PHKG1: variants seen among roughly 807,000 people sequenced by gnomAD.
PHKG1 encodes the protein phosphorylase b kinase gamma catalytic chain, skeletal muscle/heart isoform.
A neutral mutation model predicts 50.5 loss-of-function variants in PHKG1; 48 were observed. That is an observed-to-expected ratio of 0.95 (90% CI 0.75 to 1.21). PHKG1 has a LOEUF of 1.21. Among genes scored for constraint, PHKG1 ranks in the 50% most tolerant of loss-of-function variants. The probability of loss-of-function intolerance (pLI) is 0.00; values close to 1 mark genes in which losing one functional copy is unlikely to be tolerated. For synonymous variants in PHKG1, 204 were observed against 212.8 expected, an observed-to-expected ratio of 0.96 and a Z score of 0.36; for missense variants, 487 against 519.5, an observed-to-expected ratio of 0.94 and a Z score of 0.61.
rs1203135160 is a variant in PHKG1, at chr7:56,080,727, C to A, written c.*327G>T. Reference sequence around the variant, plus strand: ...CCCTAAGGGAAGAAAGCCTGAGTGTCAGTAACTCTGGGCCTCCCCTAAAGA... The same window carrying A: ...CCCTAAGGGAAGAAAGCCTGAGTGTAAGTAACTCTGGGCCTCCCCTAAAGA... On this transcript the variant is annotated 3_prime_UTR_variant, in exon 10 of 10. Coordinates refer to ENST00000297373, the MANE Select transcript of PHKG1 (RefSeq NM_006213.5). The A allele has an allele frequency of 5.5e-6, 2 of 362,490 alleles. No individual in the cohort carries two copies. Among genetic ancestry groups the A allele is most frequent in the Non-Finnish European group, 5.2e-6 (1 of 193,814 alleles). 22.5% of individuals were successfully genotyped at this position (362,490 alleles called of 1,614,324 possible). A position where few individuals can be genotyped will look rare whatever the true frequency, so the allele number is the denominator to read the frequency against.
At chr7:56,085,974 CAAAAAA>C (rs34275240) in intron 4 of PHKG1, among the ~76,000 whole-genome samples, 2 of 133,278 alleles carry the variant, frequency 1.5e-5, no homozygotes, top group African/African-American at 2.9e-5. Flanking sequence ...AACTCTGTCT[CAAAAAA>C]AAAAAAAAAA....
At chr7:56,087,797 TGGCCTC>T (rs759292215) in intron 2 of PHKG1, 21 bp from the exon 3 acceptor site, 1 of 1,596,936 alleles carries the variant, frequency 6.3e-7, no homozygotes, top group South Asian at 1.1e-5. Flanking sequence ...AGAGGACAGA[TGGCCTC>T]GGGGGGCCCC....
At position 56,082,263 on chromosome 7, in the gene PHKG1, C is replaced by T. The variant is rs748460463; in HGVS notation, c.548-10G>A. 6.6e-5 allele frequency: 106 copies of T among 1,606,662 alleles called. No homozygotes were observed. Among genetic ancestry groups the T allele is most frequent in the Non-Finnish European group, 8.3e-5 (97 of 1,174,994 alleles). ...GGGGTCCCGCAGACCTCTGCAGGAA[C>T]AGTCATCATCAGGGCAGGTCAGCAG... On this transcript the variant is annotated splice_polypyrimidine_tract_variant and intron_variant, in intron 6 of 9. Transcript: ENST00000297373.
chr7:56,081,227 C>G lies in PHKG1; in HGVS notation c.991G>C (p.Glu331Gln). ...QYRRVKPVTREIVIRDPYALR... is the reference protein window; with the variant it reads ...QYRRVKPVTRQIVIRDPYALR... Reference sequence around the variant, plus strand: ...GCATAGGGGTCTCGGATGACGATCTCCCGGGTCACAGGCTTCACCCGGCGG... The same window carrying G: ...GCATAGGGGTCTCGGATGACGATCTGCCGGGTCACAGGCTTCACCCGGCGG... The change falls in exon 10 of 10, where the codon GAG (glutamate) becomes CAG (glutamine). Residue 331 changes from glutamate (E) to glutamine (Q), a missense_variant. Glu to Gln is a conservative substitution (Grantham distance 29). Transcript: ENST00000297373. This position sits in a 1 kb window ranked among gnomAD's most constrained non-coding sequence, Gnocchi z 4.6. 11 of 1,613,732 alleles carry G rather than the reference C, an allele frequency of 6.8e-6. No individual in the cohort carries two copies. The highest frequency in any genetic ancestry group is 9.3e-6 in the Non-Finnish European group (11 of 1,179,954).
rs1562874623 is a variant in PHKG1, at chr7:56,080,666, T to A, written c.*388A>T. ...CAATAAAATCTCCTGCAATTGTGTA[T>A]CTCAGACATTTGTGTCTTTGATCCT... is the stretch of plus-strand genomic sequence containing the variant. On this transcript the variant is annotated 3_prime_UTR_variant, in exon 10 of 10. Coordinates refer to ENST00000297373, the MANE Select transcript of PHKG1 (RefSeq NM_006213.5). The A allele has an allele frequency of 1.2e-5, 3 of 247,626 alleles. No homozygotes were observed. The highest frequency in any genetic ancestry group is 2.4e-5 in the Non-Finnish European group (3 of 126,120). The allele number at this position is 247,626 out of a possible 1,614,324, so 15.3% of individuals were successfully genotyped here.
chr7:56,083,175 A>C, intron 6 of PHKG1, 103 bp downstream of exon 6: 2 of 1,004,152 alleles, frequency 2.0e-6, no homozygotes, highest in Non-Finnish European at 2.9e-6. Context: ...TTTTTATTCC[A>C]GGGAACAATT....
Position 56,080,771 on chromosome 7 carries a change from C to T in PHKG1, c.*283G>A, listed in dbSNP as rs568859076. 8.3e-6 allele frequency: 4 copies of T among 480,472 alleles called. No individual in the cohort carries two copies. The East Asian group carries it at 1.5e-4, about 19-fold the overall frequency. The allele number at this position is 480,472 out of a possible 1,614,324, so 29.8% of individuals were successfully genotyped here. A position where few individuals can be genotyped will look rare whatever the true frequency, so the allele number is the denominator to read the frequency against. Reference sequence around the variant, plus strand: ...CTAAAGAGAAATGGAGATGGTGGCTCATCTAGGAAGTAGAGGAGCAGGGGG... The same window carrying T: ...CTAAAGAGAAATGGAGATGGTGGCTTATCTAGGAAGTAGAGGAGCAGGGGG... On this transcript the variant is annotated 3_prime_UTR_variant, in exon 10 of 10. Transcript: ENST00000297373.
chr7:56,082,339 T>C, intron 6 of PHKG1, 86 bp from the exon 7 acceptor site: 1 of 1,053,870 alleles, frequency 9.5e-7, no homozygotes, highest in East Asian at 2.4e-5. Context: ...ATTTCTATAA[T>C]CCTAGCACTT....
chr7:56,089,721 G>A (rs569815176), intron 1 of PHKG1, among the ~76,000 whole-genome samples: 141 of 152,070 alleles, frequency 9.3e-4, no homozygotes, highest in African/African-American at 2.9e-3. Flanking sequence ...ACAGGGTTTC[G>A]CCATGTTGGC....
Position 56,081,073 on chromosome 7 carries a change from A to T in PHKG1, c.1145T>A (p.Leu382Gln). The T allele has an allele frequency of 1.2e-6, 2 of 1,602,482 alleles. No homozygotes were observed. The highest frequency in any genetic ancestry group is 1.7e-6 in the Non-Finnish European group (2 of 1,174,704). ...ENTPKAVLLS[L>Q]AEEDY The stretch of plus-strand genomic sequence containing the variant: ...AGCCCCTCAGTAGTCCTCCTCGGCC[A>T]GGGAGAGGAGCACGGCCTTGGGTGT... Residue 382 changes from leucine to glutamine, a missense_variant, in exon 10 of 10, where the codon CTG becomes CAG. Coordinates refer to ENST00000297373, the MANE Select transcript of PHKG1 (RefSeq NM_006213.5). The surrounding 1 kb of genome is among the most constrained non-coding windows in gnomAD (Gnocchi z 4.6).
intron 1 of PHKG1, among the ~76,000 whole-genome samples, 152 bp from the exon 2 acceptor site, chr7:56,089,127 G>A (rs897889023): frequency 2.0e-5 from 3 of 152,072 alleles, no homozygotes; most frequent in Non-Finnish European, 4.4e-5. Flanking sequence ...AATTGAGGCC[G>A]TTCGTGGTGG....
At chr7:56,091,858 CAG>C (rs1674688791) in intron 1 of PHKG1, among the ~76,000 whole-genome samples, 1 of 152,280 alleles carries the variant, frequency 6.6e-6, no homozygotes, top group Non-Finnish European at 1.5e-5. Context: ...TGCTCACACA[CAG>C]GCCTTCTCTG....
rs755657137 is a variant in PHKG1, at chr7:56,087,648, G to T, written c.212C>A (p.Thr71Lys). 1 of 1,613,964 alleles carries T rather than the reference G, an allele frequency of 6.2e-7. No homozygotes were observed. Among genetic ancestry groups the T allele is most frequent in the South Asian group, 1.1e-5 (1 of 91,084 alleles). The change falls in exon 3 of 10, where the codon ACG becomes AAG. Residue 71 changes from threonine (T) to lysine (K), a missense_variant. Coordinates refer to ENST00000297373, the MANE Select transcript of PHKG1 (RefSeq NM_006213.5). ...GCGCAGGATGTCCACCTCCTTCAGC[G>T]TGGCTTCTCGCAGCTCCCGCACCTC... ...PEEVRELREA[T>K]LKEVDILRKV... is the part of the protein sequence containing the mutation.
intron 5 of PHKG1, 74 bp downstream of exon 5, chr7:56,083,576 T>C: frequency 1.3e-6 from 2 of 1,494,616 alleles, no homozygotes; most frequent in Admixed American, 1.8e-5. Flanking sequence ...ACGCCCTGCC[T>C]CCCCTGAGAC....
rs1795936776 is a variant in PHKG1 at position 56,080,843 on chromosome 7, C to A, written c.*211G>T. The stretch of plus-strand genomic sequence containing the variant: ...GTGATCTCTGCCCACCCAGGGCCTG[C>A]CCCAGCCTGCAGGTATTGCTGTGTG... On this transcript the variant is annotated 3_prime_UTR_variant, in exon 10 of 10. Coordinates refer to ENST00000297373, the MANE Select transcript of PHKG1 (RefSeq NM_006213.5). The A allele has an allele frequency of 3.3e-6, 2 of 611,462 alleles. No homozygotes were observed. The highest frequency in any genetic ancestry group is 5.7e-6 in the Non-Finnish European group (2 of 352,534). 37.9% of individuals were successfully genotyped at this position (611,462 alleles called of 1,614,324 possible).
chr7:56,089,713 AG>A (rs1172230352), intron 1 of PHKG1, among the ~76,000 whole-genome samples: 2 of 151,994 alleles, frequency 1.3e-5, no homozygotes, highest in Non-Finnish European at 2.9e-5. Context: ...TATTAGAGAC[AG>A]GGTTTCGCCA....
rs115726599 is a variant in PHKG1, at chr7:56,087,090, G to A, written c.263-66C>T. The A allele has an allele frequency of 3.0e-3, 3,786 of 1,248,356 alleles. 75 individuals carry two copies. The African/African-American group carries it at 0.046, about 15-fold the overall frequency. 77.3% of individuals were successfully genotyped at this position (1,248,356 alleles called of 1,614,324 possible). On this transcript the variant is annotated intron_variant, in intron 3 of 9. Transcript: ENST00000297373. ...GCCCAGGCAGGGGCAGCCGGGGCAC[G>A]GGGGTCAGGGACCGAGGCTGCTGTG...
chr7:56,091,409 C>T (rs1252105988), intron 1 of PHKG1, among the ~76,000 whole-genome samples: 1 of 150,544 alleles, frequency 6.6e-6, no homozygotes, highest in Non-Finnish European at 1.5e-5. Context: ...CCCAGCTACT[C>T]AGGAGGCTGA....
At position 56,086,859 on chromosome 7, in the gene PHKG1, G is replaced by A; in HGVS notation, c.317+111C>T. On this transcript the variant is annotated intron_variant, in intron 4 of 9. Coordinates refer to ENST00000297373, the MANE Select transcript of PHKG1 (RefSeq NM_006213.5). ...TGTCTAAACACCGTGATTGTATTTG[G>A]CATCCTCAGCGCAGGAGCTGGCTGT... 3.6e-6 allele frequency: 3 copies of A among 837,308 alleles called. No homozygotes were observed. In the Admixed American group the frequency reaches 5.2e-5, roughly 15 times the overall value. 51.9% of individuals were successfully genotyped at this position (837,308 alleles called of 1,614,324 possible). A position where few individuals can be genotyped will look rare whatever the true frequency, so the allele number is the denominator to read the frequency against.
Sources: gnomAD v4.1 joint callset for allele counts (sites outside exome capture counted in the v4.1 genomes callset) on GRCh38, gnomAD v4.1.1 for gene constraint, Gnocchi (gnomAD v3.1) non-coding constraint, MANE v1.5 for transcripts, NCBI Gene and HGNC (gene_info 2026-07-23, HGNC 2026-07-21) for gene names.